The following SGCZ variants were observed in gnomAD, a reference collection of about 807,000 sequenced individuals.
The protein encoded by SGCZ is zeta-sarcoglycan.
SGCZ carries 40 observed loss-of-function variants against 41.3 expected under a neutral mutation model. That is an observed-to-expected ratio of 0.97 (90% CI 0.75 to 1.26). The LOEUF is 1.26. SGCZ is among the 50% of genes most tolerant of loss of function. The pLI, the probability that SGCZ is intolerant of heterozygous loss-of-function variation, is 0.00. For synonymous variants in SGCZ, 206 were observed against 137.5 expected (o/e 1.50, Z -3.49); for missense variants, 552 against 369.8 (o/e 1.49, Z -4.04).
intron 1 of SGCZ, among the ~76,000 whole-genome samples, chr8:14,822,438 A>G (rs1368663898): frequency 6.6e-6 from 1 of 152,206 alleles, no homozygotes; most frequent in East Asian, 1.9e-4. Context: ...AGTTAATGCA[A>G]TGCCTATCAA....
intron 1 of SGCZ, among the ~76,000 whole-genome samples, chr8:15,044,227 A>G (rs1804217922): frequency 1.3e-5 from 2 of 152,252 alleles, no homozygotes; most frequent in South Asian, 4.1e-4. Flanking sequence ...CTGCACTTCA[A>G]ATTTGCTTGC....
chr8:14,947,656 T>C (rs1009702680), intron 1 of SGCZ, among the ~76,000 whole-genome samples: 1 of 152,168 alleles, frequency 6.6e-6, no homozygotes, highest in African/African-American at 2.4e-5. Flanking sequence ...CAAGAGCAAA[T>C]ATCATTAAGT....
intron 1 of SGCZ, among the ~76,000 whole-genome samples, chr8:14,888,321 A>C (rs764651545): frequency 8.5e-5 from 13 of 152,130 alleles, no homozygotes; most frequent in Non-Finnish European, 1.6e-4. Flanking sequence ...GCCAACCATG[A>C]TTTCATAACC....
intron 4 of SGCZ, among the ~76,000 whole-genome samples, chr8:14,177,475 C>A (rs968300470): frequency 1.6e-4 from 24 of 151,264 alleles, no homozygotes; most frequent in South Asian, 2.1e-4. Flanking sequence ...TAAGTAAAAT[C>A]TTTTAAAGCT....
At chr8:14,823,207 AACAAAAGCAAAAATAT>A (rs1337927169) in intron 1 of SGCZ, among the ~76,000 whole-genome samples, 1 of 152,154 alleles carries the variant, frequency 6.6e-6, no homozygotes, top group Non-Finnish European at 1.5e-5. Context: ...AAGCACAGGT[AACAAAAGCAAAAATAT>A]ACAAACAGAA....
Position 14,085,635 on chromosome 8 carries a change from T to C in SGCZ, c.*4808A>G, listed in dbSNP as rs1801501766. On this transcript the variant is annotated 3_prime_UTR_variant, in exon 8 of 8. Coordinates refer to ENST00000382080, the MANE Select transcript of SGCZ (RefSeq NM_139167.4). ...ATAGTGTTCAGCAAGCAGTGAAAGT[T>C]GAAACTCAGCTGAGGAGATCCATGC... Among the ~76,000 whole-genome samples the C allele has an allele frequency of 1.3e-5, 2 of 151,766 alleles. No homozygotes were observed. Among genetic ancestry groups the C allele is most frequent in the Non-Finnish European group, 2.9e-5 (2 of 67,812 alleles).
intron 3 of SGCZ, chr8:14,309,507 G>C: frequency 1.9e-6 from 3 of 1,608,936 alleles, no homozygotes; most frequent in Non-Finnish European, 2.5e-6. Flanking sequence ...TGTGATAAGA[G>C]AGCAGTGTGG....
intron 2 of SGCZ, among the ~76,000 whole-genome samples, chr8:14,328,865 A>C (rs1218123601): frequency 1.3e-5 from 2 of 152,188 alleles, no homozygotes; most frequent in Non-Finnish European, 2.9e-5. Flanking sequence ...GAGGTAAATG[A>C]AGCTTCACGC....
intron 1 of SGCZ, among the ~76,000 whole-genome samples, chr8:14,732,773 AT>A (rs2130245548): frequency 6.6e-6 from 1 of 152,262 alleles, no homozygotes; most frequent in African/African-American, 2.4e-5. Context: ...GAAGTATTTT[AT>A]AAACTACGAC....
At chr8:14,192,312 G>C (rs967317952) in intron 4 of SGCZ, among the ~76,000 whole-genome samples, 1 of 151,828 alleles carries the variant, frequency 6.6e-6, no homozygotes, top group East Asian at 1.9e-4. Context: ...TGTTAATAGT[G>C]GTCAGCTGGA....
chr8:15,050,701 T>C (rs1445561786), intron 1 of SGCZ, among the ~76,000 whole-genome samples: 3 of 152,022 alleles, frequency 2.0e-5, no homozygotes, highest in East Asian at 3.9e-4. Flanking sequence ...TCAGAGTGAA[T>C]TGATAGTGAA....
intron 4 of SGCZ, among the ~76,000 whole-genome samples, chr8:14,196,294 G>A (rs190076136): frequency 2.7e-5 from 4 of 148,040 alleles, no homozygotes; most frequent in East Asian, 2.0e-4. Context: ...ACGGAGTTTC[G>A]CTCTTGTTGC....
chr8:15,014,368 G>T (rs1371255440), intron 1 of SGCZ, among the ~76,000 whole-genome samples: 1 of 152,198 alleles, frequency 6.6e-6, no homozygotes, highest in Admixed American at 6.5e-5. Flanking sequence ...ACAGGTGCCA[G>T]TCCCAAATAA....
At chr8:14,454,970 A>G (rs894492282) in intron 2 of SGCZ, among the ~76,000 whole-genome samples, 1 of 152,172 alleles carries the variant, frequency 6.6e-6, no homozygotes, top group Non-Finnish European at 1.5e-5. Context: ...TGGTGTAGGA[A>G]AAGTATTCCT....
chr8:14,687,175 T>A lies in SGCZ; in HGVS notation c.40-132249A>T, dbSNP rs1001066405. On this transcript the variant is annotated intron_variant, in intron 1 of 7. Transcript: ENST00000382080. The stretch of plus-strand genomic sequence containing the variant: ...ACTCACTTTAAAGAAAAAAAAAATA[T>A]ATATATATATATATATTTTAATTTT... Among the ~76,000 whole-genome samples, 116 of 146,772 alleles carry A rather than the reference T, an allele frequency of 7.9e-4. 1 individual carries two copies. Among genetic ancestry groups the A allele is most frequent in the African/African-American group, 2.5e-3 (100 of 40,456 alleles).
rs1268493906 is a variant in SGCZ at position 14,228,889 on chromosome 8, T to G, written c.424+8703A>C. ...CATTGACATATAGGCATGAATGATT[T>G]TACCAGATTAGCTACCCTTGGTCTT... On this transcript the variant is annotated intron_variant, in intron 4 of 7. Transcript: ENST00000382080. Among the ~76,000 whole-genome samples the G allele has an allele frequency of 4.6e-5, 7 of 152,166 alleles. No homozygotes were observed. The East Asian group carries it at 1.2e-3, about 25-fold the overall frequency.
chr8:14,431,521 C>T (rs1363736230), intron 2 of SGCZ, among the ~76,000 whole-genome samples: 3 of 152,134 alleles, frequency 2.0e-5, no homozygotes, highest in Admixed American at 2.0e-4. Context: ...TCACCTCTCA[C>T]CTTATACAAA....
intron 1 of SGCZ, among the ~76,000 whole-genome samples, chr8:15,078,505 C>T (rs1314375877): frequency 1.3e-5 from 2 of 151,970 alleles, no homozygotes; most frequent in Admixed American, 6.6e-5. Flanking sequence ...CTAGCCTTCA[C>T]ATAGCCATGA....
chr8:14,177,678 T>G (rs1303979482), intron 4 of SGCZ, among the ~76,000 whole-genome samples: 3 of 83,784 alleles, frequency 3.6e-5, no homozygotes, highest in Admixed American at 1.2e-4. Flanking sequence ...CCCTGCTATT[T>G]TTTTTTTTTT....
Sources: gnomAD v4.1 joint callset for allele counts (sites outside exome capture counted in the v4.1 genomes callset) on GRCh38, gnomAD v4.1.1 for gene constraint, MANE v1.5 for transcripts, NCBI Gene and HGNC (gene_info 2026-07-23, HGNC 2026-07-21) for gene names.